Variants in LPA observed in about 807,000 individuals in gnomAD.
LPA encodes the protein lipoprotein(a).
Under a neutral mutation model 197.9 loss-of-function variants are expected in LPA, and 199 were observed. That is an observed-to-expected ratio of 1.01 (90% CI 0.90 to 1.13). The LOEUF (loss-of-function observed/expected upper bound fraction) is 1.13, where lower values mean the gene tolerates loss of function less well. Ranked by LOEUF, LPA falls within the 50% of genes most tolerant of loss-of-function variation. The pLI is 0.00. For synonymous variants in LPA, 715 were observed against 639.5 expected (o/e 1.12, Z -1.78); for missense variants, 1,853 against 1,785.8 (o/e 1.04, Z -0.68).
At chr6:160,574,553 T>C (rs1289548973) in intron 28 of LPA, among the ~76,000 whole-genome samples, 1 of 152,168 alleles carries the variant, frequency 6.6e-6, no homozygotes, top group Admixed American at 6.6e-5. Context: ...TGCTTGGGGA[T>C]CCAGCAAGCT....
intron 30 of LPA, among the ~76,000 whole-genome samples, chr6:160,550,230 A>G (rs1294333550): frequency 5.9e-5 from 9 of 151,990 alleles, no homozygotes; most frequent in Non-Finnish European, 1.0e-4. Context: ...GAAAAAAAAA[A>G]AAAAAAGCAC....
rs375211514 is a variant in LPA at position 160,589,680 on chromosome 6, A to C, written c.3820T>G (p.Cys1274Gly). The change falls in exon 24 of 39, where the codon TGC becomes GGC. Residue 1274 changes from cysteine (C) to glycine (G), a missense_variant. Physicochemically the swap from Cys to Gly is radical, Grantham distance 159 (BLOSUM62 -3). Transcript: ENST00000316300. Reference sequence around the variant, plus strand: ...TAACTCTGTCCATCACCATGGTAGCAGTCCTGGACTGTGGGGCTTTGCTCC... The same window carrying C: ...TAACTCTGTCCATCACCATGGTAGCCGTCCTGGACTGTGGGGCTTTGCTCC... ...PTEQSPTVQD[C>G]YHGDGQSYRG... The C allele has an allele frequency of 5.0e-6, 8 of 1,613,962 alleles. No individual in the cohort carries two copies. The highest frequency in any genetic ancestry group is 6.8e-6 in the Non-Finnish European group (8 of 1,179,842).
rs140486548 is a variant in LPA, at chr6:160,576,390, GTATATATA to G, written c.4631+738_4631+745del. ...TACATATATATATATATATATATAT[GTATATATA>G]TATATATATATATATATGGGTATAT... On this transcript the variant is annotated intron_variant, in intron 28 of 38. Transcript: ENST00000316300. Among the ~76,000 whole-genome samples the G allele has an allele frequency of 4.3e-3, 199 of 46,108 alleles. 4 individuals are homozygous for G. The highest frequency in any genetic ancestry group is 0.033 in the Middle Eastern group (2 of 60). 30.2% of individuals were successfully genotyped at this position (46,108 alleles called of 152,430 possible). A position where few individuals can be genotyped will look rare whatever the true frequency, so the allele number is the denominator to read the frequency against.
intron 26 of LPA, among the ~76,000 whole-genome samples, chr6:160,584,234 T>TCC (rs1562331265): frequency 2.0e-4 from 13 of 64,196 alleles, no homozygotes; most frequent in Non-Finnish European, 3.2e-4. Context: ...CTTCTTCTTC[T>TCC]TCTTCCTCCT....
chr6:160,554,029 T>C (rs1023250195), intron 30 of LPA, among the ~76,000 whole-genome samples: 10 of 152,012 alleles, frequency 6.6e-5, no homozygotes, highest in African/African-American at 2.4e-4. Flanking sequence ...CTGGTTCACT[T>C]TTTCTTCTGT....
chr6:160,540,100 A>T lies in LPA; in HGVS notation c.5678T>A (p.Val1893Glu). ...TGTGGGCTCCAAGAACAGCCTAGAC[A>T]CTTCTATTTCCTGAACATGAGATTC... ...NLESHVQEIE[V>E]SRLFLEPTQA... Residue 1893 changes from valine to glutamate, a missense_variant, in exon 36 of 39, where the codon GTG (valine) becomes GAG (glutamate). Val to Glu is a moderately radical substitution (Grantham distance 121). Around this residue, in one of 3 missense-constraint regions of LPA, gnomAD observed 1,737 missense variants for 1,504.4 expected, o/e 1.15. Transcript: ENST00000316300. The T allele has an allele frequency of 6.2e-7, 1 of 1,614,032 alleles. No individual in the cohort carries two copies. Among genetic ancestry groups the T allele is most frequent in the South Asian group, 1.1e-5 (1 of 91,056 alleles).
chr6:160,584,219 TTCTTCTTCTTCTTCTTCTTCCTCC>T (rs1262019122), intron 26 of LPA, among the ~76,000 whole-genome samples: 41 of 116,342 alleles, frequency 3.5e-4, no homozygotes, highest in Admixed American at 1.5e-3. Context: ...CTTCTTCTTC[TTCTTCTTCTTCTTCTTCTTCCTCC>T]TCCTCCTCCT....
chr6:160,653,946 TATATTA>T (rs1780052298), intron 1 of LPA, among the ~76,000 whole-genome samples: 1 of 41,832 alleles, frequency 2.4e-5, no homozygotes, highest in Non-Finnish European at 4.2e-5. Flanking sequence ...ATATTTTATA[TATATTA>T]TATATAATAT....
intron 34 of LPA, among the ~76,000 whole-genome samples, chr6:160,542,018 AAGG>A (rs1339287451): frequency 2.6e-5 from 4 of 152,072 alleles, no homozygotes; most frequent in African/African-American, 9.7e-5. Flanking sequence ...CTGGTGTAGA[AAGG>A]AGATGAGGAA....
intron 25 of LPA, among the ~76,000 whole-genome samples, chr6:160,585,793 CT>C (rs1478983486): frequency 1.3e-5 from 2 of 151,992 alleles, no homozygotes; most frequent in African/African-American, 4.8e-5. Context: ...CCCAGGATCC[CT>C]CATTACAAGA....
At chr6:160,554,578 A>G (rs905667629) in intron 30 of LPA, among the ~76,000 whole-genome samples, 3 of 152,070 alleles carry the variant, frequency 2.0e-5, no homozygotes, top group African/African-American at 4.8e-5. Context: ...GAGATGTTCA[A>G]TGAGGTGTCT....
chr6:160,586,114 G>C (rs536837976), intron 25 of LPA, among the ~76,000 whole-genome samples: 5 of 152,206 alleles, frequency 3.3e-5, no homozygotes, highest in Admixed American at 3.3e-4. Flanking sequence ...GGCTGGACAG[G>C]CTTAGGAGCT....
chr6:160,591,146 T>A (rs777220375), intron 22 of LPA, 45 bp from the exon 23 acceptor site: 2 of 1,609,264 alleles, frequency 1.2e-6, no homozygotes, highest in Non-Finnish European at 1.7e-6. Flanking sequence ...TGGGAGAAGA[T>A]ACAAGGGCAC....
chr6:160,572,393 G>A (rs1315619466), intron 28 of LPA, among the ~76,000 whole-genome samples: 3 of 152,168 alleles, frequency 2.0e-5, no homozygotes, highest in South Asian at 2.1e-4. Flanking sequence ...TTCAATTTTA[G>A]CATTGAAATG....
intron 16 of LPA, among the ~76,000 whole-genome samples, chr6:160,610,115 C>G (rs1270166732): frequency 6.6e-6 from 1 of 151,930 alleles, no homozygotes; most frequent in Non-Finnish European, 1.5e-5. Context: ...CATTTCTGAG[C>G]CTGTTTGTAT....
In LPA at chr6:160,595,369, C is replaced by T; in HGVS notation, c.3454G>A (p.Ala1152Thr). The change falls in exon 21 of 39, where the codon GCT becomes ACT. Residue 1152 changes from alanine (A) to threonine (T), a missense_variant. Ala to Thr is a moderately conservative substitution (Grantham distance 58). Coordinates refer to ENST00000316300, the MANE Select transcript of LPA (RefSeq NM_005577.4). ...GACTTCCTACCTTCTTCAGAAGAAG[C>T]CTCTGTGCTTGGATCTGGGACCACC... Reference protein sequence around the residue: ...LTVVPDPSTEASSEEAPTEQS... With the variant: ...LTVVPDPSTETSSEEAPTEQS... 6.2e-7 allele frequency: 1 copy of T among 1,612,648 alleles called. No individual in the cohort carries two copies.
chr6:160,551,478 G>A (rs1343878712), intron 30 of LPA, among the ~76,000 whole-genome samples: 1 of 152,168 alleles, frequency 6.6e-6, no homozygotes, highest in Non-Finnish European at 1.5e-5. Context: ...TTCTTCTCAT[G>A]TGTTACTTGC....
At chr6:160,557,597 C>CA in intron 28 of LPA, 26 bp from the exon 29 acceptor site, 2 of 1,612,520 alleles carry the variant, frequency 1.2e-6, no homozygotes, top group Non-Finnish European at 1.7e-6. Flanking sequence ...CAACACAGGT[C>CA]ACAAGAGGCG....
intron 28 of LPA, among the ~76,000 whole-genome samples, chr6:160,562,128 G>A (rs1180115002): frequency 6.6e-6 from 1 of 152,178 alleles, no homozygotes; most frequent in South Asian, 2.1e-4. Flanking sequence ...GTGAGAGAGG[G>A]CATCCTTGTC....
Sources: gnomAD v4.1 joint callset for allele counts (sites outside exome capture counted in the v4.1 genomes callset) on GRCh38, gnomAD v4.1.1 for gene constraint, gnomAD v4.1.1 regional missense constraint, MANE v1.5 for transcripts, NCBI Gene and HGNC (gene_info 2026-07-23, HGNC 2026-07-21) for gene names.